AHCYL2: variants seen among roughly 807,000 people sequenced by gnomAD.
AHCYL2 encodes S-adenosylhomocysteine hydrolase-like protein 2.
Under a neutral mutation model 81.4 loss-of-function variants are expected in AHCYL2, and 28 were observed. That is an observed-to-expected ratio of 0.34 (90% CI 0.25 to 0.47). The LOEUF is 0.47. Ranked by LOEUF, AHCYL2 falls within the 20% of genes least tolerant of loss-of-function variation. The probability of loss-of-function intolerance (pLI) is 1.00; values close to 1 mark genes in which losing one functional copy is unlikely to be tolerated. For missense variants in AHCYL2, 551 were observed against 785.1 expected, an observed-to-expected ratio of 0.70 and a Z score of 3.56; for synonymous variants, 272 against 290.2, an observed-to-expected ratio of 0.94 and a Z score of 0.64.
intron 1 of AHCYL2, among the ~76,000 whole-genome samples, chr7:129,328,261 T>G (rs1445445428): frequency 6.6e-6 from 1 of 152,218 alleles, no homozygotes; most frequent in Non-Finnish European, 1.5e-5. Context: ...CACTGCAACC[T>G]CTGCCTCTCG....
At chr7:129,229,854 T>C (rs1794355845) in intron 1 of AHCYL2, among the ~76,000 whole-genome samples, 1 of 152,206 alleles carries the variant, frequency 6.6e-6, no homozygotes, top group African/African-American at 2.4e-5. Context: ...TTACTGATAA[T>C]CTGAGAAATT....
At chr7:129,256,599 T>G (rs1351007358) in intron 1 of AHCYL2, among the ~76,000 whole-genome samples, 1 of 143,494 alleles carries the variant, frequency 7.0e-6, no homozygotes, top group Non-Finnish European at 1.5e-5. Context: ...GTTTTTAAAG[T>G]CTATATAATA....
chr7:129,420,477 CTTTTT>C (rs11414828), intron 12 of AHCYL2, among the ~76,000 whole-genome samples: 1 of 126,830 alleles, frequency 7.9e-6, no homozygotes. Context: ...TGCTTAAATT[CTTTTT>C]TTTTTTTTTT....
chr7:129,405,742 AC>A lies in AHCYL2; in HGVS notation c.1143-92del. On this transcript the variant is annotated intron_variant, in intron 8 of 16. Transcript: ENST00000325006. The stretch of plus-strand genomic sequence containing the variant: ...GACTTTCTTTCAAAATGAAAAACCA[AC>A]CAAAAAACCCCATGAAAACAAAGAG... The A allele has an allele frequency of 2.5e-6, 3 of 1,219,566 alleles. No homozygotes were observed. In the South Asian group the frequency reaches 5.2e-5, roughly 21 times the overall value. The allele number at this position is 1,219,566 out of a possible 1,614,324, so 75.5% of individuals were successfully genotyped here.
rs1258080978 is a variant in AHCYL2, at chr7:129,406,320, TTGAGAAATGGTTTTC to T, written c.1207-56_1207-42del. On this transcript the variant is annotated intron_variant, in intron 9 of 16. Transcript: ENST00000325006. This position sits in a 1 kb window ranked among gnomAD's most constrained non-coding sequence, Gnocchi z 4.3. ...GAGGGGGTGCACTTTACCAGAAGCT[TTGAGAAATGGTTTTC>T]TCAGTGACTTTCCTTAATATGTGTG... 7.3e-6 allele frequency: 11 copies of T among 1,510,944 alleles called. No individual in the cohort carries two copies. In the East Asian group the frequency reaches 2.3e-4, roughly 31 times the overall value. The allele number at this position is 1,510,944 out of a possible 1,614,324, so 93.6% of individuals were successfully genotyped here. A position where few individuals can be genotyped will look rare whatever the true frequency, so the allele number is the denominator to read the frequency against.
intron 1 of AHCYL2, 35 bp from the exon 2 acceptor site, chr7:129,379,602 TC>T (rs753258755): frequency 3.2e-6 from 5 of 1,544,046 alleles, no homozygotes; most frequent in Admixed American, 3.6e-5. Flanking sequence ...AAATGGAGGT[TC>T]TTTTTCTTTA....
chr7:129,405,608 G>A (rs1199496981), intron 8 of AHCYL2: 2 of 445,264 alleles, frequency 4.5e-6, no homozygotes, highest in Non-Finnish European at 7.8e-6. Context: ...CTGGTCATTA[G>A]TTTCTCTAGG....
At chr7:129,230,862 CGCCTG>C (rs1326449203) in intron 1 of AHCYL2, among the ~76,000 whole-genome samples, 2 of 152,168 alleles carry the variant, frequency 1.3e-5, no homozygotes, top group African/African-American at 4.8e-5. Context: ...TCAGCCACCA[CGCCTG>C]GCCCTAAATC....
At chr7:129,294,252 T>C (rs1205529615) in intron 1 of AHCYL2, among the ~76,000 whole-genome samples, 1 of 152,210 alleles carries the variant, frequency 6.6e-6, no homozygotes, top group Non-Finnish European at 1.5e-5. Flanking sequence ...CTAAAAGCTC[T>C]CTTTAGATTG....
At chr7:129,397,075 C>A in intron 4 of AHCYL2, 147 bp from the exon 5 acceptor site, 1 of 582,796 alleles carries the variant, frequency 1.7e-6, no homozygotes, top group East Asian at 3.0e-5. Flanking sequence ...TCTTAGAATA[C>A]TGAAGAGGTT....
chr7:129,251,163 T>C (rs1006696688), intron 1 of AHCYL2, among the ~76,000 whole-genome samples: 2 of 152,216 alleles, frequency 1.3e-5, no homozygotes, highest in Non-Finnish European at 2.9e-5. Context: ...AGCATCCTTC[T>C]CCATTTGGAT....
intron 1 of AHCYL2, among the ~76,000 whole-genome samples, chr7:129,340,523 G>A (rs1345307139): frequency 6.7e-6 from 1 of 148,826 alleles, no homozygotes; most frequent in Non-Finnish European, 1.5e-5. Context: ...AGCCGAGATC[G>A]CGCCACTGCA....
intron 1 of AHCYL2, among the ~76,000 whole-genome samples, chr7:129,235,256 TC>T (rs1038708668): frequency 6.6e-6 from 1 of 151,756 alleles, no homozygotes; most frequent in Non-Finnish European, 1.5e-5. Context: ...TCATTCTTCT[TC>T]TTTTTTTTTT....
chr7:129,406,364 T>C lies in AHCYL2; in HGVS notation c.1207-14T>C. On this transcript the variant is annotated splice_polypyrimidine_tract_variant and intron_variant, in intron 9 of 16. Coordinates refer to ENST00000325006, the MANE Select transcript of AHCYL2 (RefSeq NM_015328.4). The surrounding 1 kb of genome is among the most constrained non-coding windows in gnomAD (Gnocchi z 4.3). ...GTGACTTTCCTTAATATGTGTGCTC[T>C]CTCCCCTCTTCAGGTGGGGAAAGGG... is the stretch of plus-strand genomic sequence containing the variant. The C allele has an allele frequency of 6.2e-7, 1 of 1,612,912 alleles. No homozygotes were observed. Among genetic ancestry groups the C allele is most frequent in the Non-Finnish European group, 8.5e-7 (1 of 1,178,974 alleles).
intron 1 of AHCYL2, among the ~76,000 whole-genome samples, chr7:129,313,623 G>A (rs1021148006): frequency 5.3e-5 from 8 of 152,142 alleles, no homozygotes; most frequent in African/African-American, 1.4e-4. Context: ...AGAAAGAAGC[G>A]ATAGTCAAGA....
chr7:129,279,709 G>A (rs1796360413), intron 1 of AHCYL2, among the ~76,000 whole-genome samples: 1 of 152,146 alleles, frequency 6.6e-6, no homozygotes, highest in Admixed American at 6.5e-5. Flanking sequence ...TTCAACAAGG[G>A]GTGGATTATT....
intron 1 of AHCYL2, among the ~76,000 whole-genome samples, chr7:129,357,807 G>A (rs910472337): frequency 3.3e-5 from 5 of 151,638 alleles, no homozygotes; most frequent in Admixed American, 1.3e-4. Flanking sequence ...GGTGGCGGGC[G>A]CCTGTAGTCC....
At chr7:129,377,482 AT>A in intron 1 of AHCYL2, 1 of 454,484 alleles carries the variant, frequency 2.2e-6, no homozygotes, top group South Asian at 1.6e-5. Context: ...AGCTATTTCA[AT>A]TTGGCATTGG....
chr7:129,412,037 C>A (rs1796603819), intron 11 of AHCYL2, among the ~76,000 whole-genome samples: 1 of 151,884 alleles, frequency 6.6e-6, no homozygotes, highest in South Asian at 2.1e-4. Flanking sequence ...ATTGCTGGAT[C>A]ATATAGTAAC....
Sources: gnomAD v4.1 joint callset for allele counts (sites outside exome capture counted in the v4.1 genomes callset) on GRCh38, gnomAD v4.1.1 for gene constraint, Gnocchi (gnomAD v3.1) non-coding constraint, MANE v1.5 for transcripts, NCBI Gene and HGNC (gene_info 2026-07-23, HGNC 2026-07-21) for gene names.